RPH3AL: variants seen among roughly 807,000 people sequenced by gnomAD.
RPH3AL encodes rab effector Noc2.
RPH3AL carries 38 observed loss-of-function variants against 43.1 expected under a neutral mutation model. That is an observed-to-expected ratio of 0.88 (90% confidence interval 0.68 to 1.15). The LOEUF is 1.15. RPH3AL is among the 50% of genes most tolerant of loss of function. The pLI, the probability that RPH3AL is intolerant of heterozygous loss-of-function variation, is 0.00. For missense variants in RPH3AL, 462 were observed against 423.2 expected (o/e 1.09, Z -0.81); for synonymous variants, 189 against 176.3 (o/e 1.07, Z -0.57).
chr17:241,104 G>A (rs977636584), intron 7 of RPH3AL, among the ~76,000 whole-genome samples: 2 of 125,310 alleles, frequency 1.6e-5, no homozygotes, highest in African/African-American at 2.9e-5. Context: ...TAATAATCTT[G>A]TTGGCCAAGG....
intron 1 of RPH3AL, among the ~76,000 whole-genome samples, chr17:351,560 C>T (rs990021031): frequency 2.0e-5 from 3 of 152,184 alleles, no homozygotes; most frequent in Non-Finnish European, 4.4e-5. Flanking sequence ...TCCTGCACCC[C>T]GCCTGTCTCT....
chr17:316,992 G>A (rs1567515040), intron 5 of RPH3AL, among the ~76,000 whole-genome samples: 1 of 115,382 alleles, frequency 8.7e-6, no homozygotes, highest in Non-Finnish European at 1.8e-5. Flanking sequence ...TAGTCCCTGT[G>A]ACCCCACCTC....
rs149509436 is a variant in RPH3AL, at chr17:266,256, G to T, written c.438+15512C>A. ...CGTGCACCTGCATGCATGCTGGTGA[G>T]CCAGGGAGAAAGCCCCCATCATCCC... is the stretch of plus-strand genomic sequence containing the variant. On this transcript the variant is annotated intron_variant, in intron 6 of 9. Transcript: ENST00000331302. Among the ~76,000 whole-genome samples, 630 of 151,896 alleles carry T rather than the reference G, an allele frequency of 4.1e-3. 6 individuals carry two copies. The highest frequency in any genetic ancestry group is 0.017 in the Middle Eastern group (5 of 294).
At chr17:228,323 G>A (rs534299140) in intron 7 of RPH3AL, among the ~76,000 whole-genome samples, 57 of 152,246 alleles carry the variant, frequency 3.7e-4, no homozygotes, top group Admixed American at 2.4e-3. Context: ...GATTACAGGC[G>A]TGAGTGCCCG....
Position 258,757 on chromosome 17 carries a change from G to GTTTTTTTTTTTTTTTTTTT in RPH3AL, c.439-11491_439-11473dup, listed in dbSNP as rs372761475. Among the ~76,000 whole-genome samples the GTTTTTTTTTTTTTTTTTTT allele has an allele frequency of 4.0e-5, 4 of 98,770 alleles. 2 individuals are homozygous for GTTTTTTTTTTTTTTTTTTT. The highest frequency in any genetic ancestry group is 8.4e-5 in the Non-Finnish European group (4 of 47,482). 64.8% of individuals were successfully genotyped at this position (98,770 alleles called of 152,430 possible). Reference sequence around the variant, plus strand: ...TCAGCCATTTTGGGATAGTCAACCCGTTTTTTTTTTTTTTTTTTTTTGAGA... The same window carrying GTTTTTTTTTTTTTTTTTTT: ...TCAGCCATTTTGGGATAGTCAACCCGTTTTTTTTTTTTTTTTTTTTTTTTTTTTTTTTTTTTTTTTGAGA... On this transcript the variant is annotated intron_variant, in intron 6 of 9. Coordinates refer to ENST00000331302, the MANE Select transcript of RPH3AL (RefSeq NM_006987.4).
chr17:228,441 T>G (rs8078929), intron 7 of RPH3AL, among the ~76,000 whole-genome samples: 128,901 of 152,034 alleles, frequency 0.85, 54,895 homozygotes, highest in Non-Finnish European at 0.88. Flanking sequence ...GAGTAACGCG[T>G]TCGGCATCTG....
intron 5 of RPH3AL, among the ~76,000 whole-genome samples, chr17:291,857 T>C (rs2043055727): frequency 6.6e-6 from 1 of 152,224 alleles, no homozygotes; most frequent in Non-Finnish European, 1.5e-5. Context: ...TAGATGTGCC[T>C]ACATCTATGG....
rs2042534792 is a variant in RPH3AL, at chr17:273,016, A to AGGGAGAGACCCCAGCGAGGGTGACG, written c.438+8751_438+8752insCGTCACCCTCGCTGGGGTCTCTCCC. Reference sequence around the variant, plus strand: ...AGGGTGAGACCCCAGCGAGGGCGACATCAGGAAGAGACCCCAGCGAGGGCG... The same window carrying AGGGAGAGACCCCAGCGAGGGTGACG: ...AGGGTGAGACCCCAGCGAGGGCGACAGGGAGAGACCCCAGCGAGGGTGACGTCAGGAAGAGACCCCAGCGAGGGCG... On this transcript the variant is annotated intron_variant, in intron 6 of 9. Transcript: ENST00000331302. 1.3e-4 allele frequency among the ~76,000 whole-genome samples: 5 copies of AGGGAGAGACCCCAGCGAGGGTGACG among 38,198 alleles called. 1 individual carries two copies. Among genetic ancestry groups the AGGGAGAGACCCCAGCGAGGGTGACG allele is most frequent in the Admixed American group, 3.0e-4 (1 of 3,346 alleles). 25.1% of individuals were successfully genotyped at this position (38,198 alleles called of 152,430 possible). A position where few individuals can be genotyped will look rare whatever the true frequency, so the allele number is the denominator to read the frequency against.
chr17:224,377 G>C (rs11867900), intron 7 of RPH3AL, among the ~76,000 whole-genome samples: 54,991 of 152,164 alleles, frequency 0.36, 10,887 homozygotes, highest in Non-Finnish European at 0.45. Context: ...GCTCCTGCCA[G>C]CACCTCCCGC....
At position 339,473 on chromosome 17, in the gene RPH3AL, G is replaced by A. The variant is rs994269352; in HGVS notation, c.-212-5539C>T. 4 of 152,592 alleles carry A rather than the reference G, an allele frequency of 2.6e-5. No homozygotes were observed. The East Asian group carries it at 7.7e-4, about 29-fold the overall frequency. The allele number at this position is 152,592 out of a possible 1,614,324, so 9.5% of individuals were successfully genotyped here. A position where few individuals can be genotyped will look rare whatever the true frequency, so the allele number is the denominator to read the frequency against. On this transcript the variant is annotated intron_variant, in intron 1 of 9. Transcript: ENST00000331302. ...GCCTGACCCTGCACTACCAAACTGG[G>A]AGAGGAAGAAGCCGCCTCCATGGGT...
At chr17:228,863 G>A (rs1174886568) in intron 7 of RPH3AL, among the ~76,000 whole-genome samples, 1 of 152,152 alleles carries the variant, frequency 6.6e-6, no homozygotes, top group East Asian at 1.9e-4. Flanking sequence ...TGTCGCAGCA[G>A]AGGCTGCAGT....
At chr17:352,082 T>G (rs1035650007) in intron 1 of RPH3AL, among the ~76,000 whole-genome samples, 1 of 152,192 alleles carries the variant, frequency 6.6e-6, no homozygotes, top group African/African-American at 2.4e-5. Flanking sequence ...CCTTGGCACT[T>G]TATGTTCTGC....
chr17:311,040 T>A (rs1450419533), intron 5 of RPH3AL, among the ~76,000 whole-genome samples: 3 of 151,902 alleles, frequency 2.0e-5, no homozygotes, highest in Non-Finnish European at 4.4e-5. Flanking sequence ...GCCCATTCAC[T>A]GCTCAAATGC....
chr17:212,658 T>C lies in RPH3AL; in HGVS notation c.*1194A>G, dbSNP rs977164723. On this transcript the variant is annotated 3_prime_UTR_variant, in exon 10 of 10. Transcript: ENST00000331302. ...CCTTCCAGACCCAGGAACCCGGGGT[T>C]TGGGGCAGGAGGCAGGAAGGATGGG... The C allele has an allele frequency of 1.3e-5, 2 of 151,720 alleles. No individual in the cohort carries two copies. The highest frequency in any genetic ancestry group is 2.9e-5 in the Non-Finnish European group (2 of 67,982). 9.4% of individuals were successfully genotyped at this position (151,720 alleles called of 1,614,324 possible).
intron 3 of RPH3AL, among the ~76,000 whole-genome samples, chr17:324,669 TTCTTTCTA>T (rs973465037): frequency 5.6e-5 from 8 of 143,776 alleles, no homozygotes; most frequent in African/African-American, 2.1e-4. Flanking sequence ...CTCCTATTCT[TTCTTTCTA>T]TCTTTCTATC....
intron 3 of RPH3AL, 23 bp from the exon 4 acceptor site, chr17:321,438 G>C (rs371306397): frequency 6.4e-7 from 1 of 1,557,424 alleles, no homozygotes; most frequent in African/African-American, 1.4e-5. Flanking sequence ...CAGCACAGAC[G>C]GCGTGGAGGC....
At chr17:307,575 G>T (rs1453679636) in intron 5 of RPH3AL, among the ~76,000 whole-genome samples, 2 of 152,190 alleles carry the variant, frequency 1.3e-5, no homozygotes, top group African/African-American at 4.8e-5. Flanking sequence ...CAGCCCCGGG[G>T]CCTGGCACGA....
chr17:311,154 G>A (rs1009555682), intron 5 of RPH3AL, among the ~76,000 whole-genome samples: 4 of 152,106 alleles, frequency 2.6e-5, no homozygotes, highest in East Asian at 1.9e-4. Context: ...ACAGCTCAGC[G>A]TCCCAAAGAT....
intron 6 of RPH3AL, chr17:247,610 T>TTTTTAATGATA: frequency 9.6e-6 from 3 of 313,582 alleles, no homozygotes; most frequent in South Asian, 7.5e-5. Context: ...CTCAGTCTCC[T>TTTTTAATGATA]CAGCAGCTGG....
Sources: allele counts gnomAD v4.1 joint callset (sites outside exome capture counted in the v4.1 genomes callset), GRCh38; gene constraint gnomAD v4.1.1; transcripts MANE v1.5; gene names NCBI Gene and HGNC (gene_info 2026-07-23, HGNC 2026-07-21).